Variants in DPP10 observed in about 807,000 individuals in gnomAD.
DPP10 encodes inactive dipeptidyl peptidase 10.
DPP10 carries 33 observed loss-of-function variants against 120.9 expected under a neutral mutation model. That is an observed-to-expected ratio of 0.27 (90% CI 0.21 to 0.37). The LOEUF (loss-of-function observed/expected upper bound fraction) is 0.37, where lower values mean the gene tolerates loss of function less well. Ranked by LOEUF, DPP10 falls within the 10% of genes least tolerant of loss-of-function variation. DPP10 has a pLI of 1.00. For missense variants in DPP10, 816 were observed against 942.8 expected, an observed-to-expected ratio of 0.87 and a Z score of 1.76; for synonymous variants, 337 against 326.1, an observed-to-expected ratio of 1.03 and a Z score of -0.36.
chr2:115,795,007 G>A (rs147565841), intron 19 of DPP10, among the ~76,000 whole-genome samples: 22 of 152,108 alleles, frequency 1.4e-4, no homozygotes, highest in Middle Eastern at 6.8e-3. Flanking sequence ...GTCTATCTCC[G>A]CAATGCCTAA....
intron 1 of DPP10, among the ~76,000 whole-genome samples, chr2:115,118,174 A>G (rs1417652203): frequency 6.6e-6 from 1 of 152,146 alleles, no homozygotes; most frequent in African/African-American, 2.4e-5. Flanking sequence ...TACCTACTAT[A>G]GCCAATCAAT....
chr2:114,548,537 C>T (rs1350939999), intron 1 of DPP10, among the ~76,000 whole-genome samples: 1 of 152,186 alleles, frequency 6.6e-6, no homozygotes, highest in Non-Finnish European at 1.5e-5. Context: ...TATCTAGAAA[C>T]TGCTCTGATA....
rs374443588 is a variant in DPP10, at chr2:115,739,830, C to T, written c.789C>T (p.Thr263=). 3.1e-6 allele frequency: 5 copies of T among 1,613,362 alleles called. No homozygotes were observed. The African/African-American group carries it at 6.7e-5, about 22-fold the overall frequency. ...TGATAAATGACTCTTTGGTACCCACCATGGTTATCCCTCGGTTTACTGGAG... is the reference window on the plus strand; with the variant it reads ...TGATAAATGACTCTTTGGTACCCACTATGGTTATCCCTCGGTTTACTGGAG... ...FLMINDSLVP[T]MVIPRFTGAL... The change falls in exon 9 of 26, where the codon ACC becomes ACT. Residue 263 remains threonine (T), a synonymous_variant. Transcript: ENST00000410059.
intron 1 of DPP10, among the ~76,000 whole-genome samples, chr2:115,157,861 A>G (rs531697416): frequency 6.6e-6 from 1 of 152,326 alleles, no homozygotes; most frequent in South Asian, 2.1e-4. Flanking sequence ...AGGACTGGCT[A>G]ATGCTAGGGA....
chr2:114,950,592 A>T (rs776898021), intron 1 of DPP10, among the ~76,000 whole-genome samples: 1 of 151,422 alleles, frequency 6.6e-6, no homozygotes, highest in Non-Finnish European at 1.5e-5. Context: ...CAACATCTTG[A>T]ATACCTTTTA....
intron 1 of DPP10, among the ~76,000 whole-genome samples, chr2:114,874,726 T>C (rs1304876936): frequency 1.3e-5 from 2 of 152,132 alleles, no homozygotes; most frequent in Non-Finnish European, 2.9e-5. Context: ...TTGTCTTCCA[T>C]GAAACCAGTC....
At chr2:115,342,200 T>C (rs1164629535) in intron 2 of DPP10, 2 of 448,988 alleles carry the variant, frequency 4.5e-6, no homozygotes, top group African/African-American at 4.0e-5. Context: ...TGTGTGTGTG[T>C]GTGTAATTTG....
intron 3 of DPP10, among the ~76,000 whole-genome samples, chr2:115,349,960 G>A (rs6760151): frequency 0.69 from 105,399 of 151,880 alleles, 36,920 homozygotes; most frequent in Admixed American, 0.76. Context: ...CGTGACCAAA[G>A]TGTTATTTTT....
At chr2:115,527,156 G>C (rs1227809903) in intron 5 of DPP10, among the ~76,000 whole-genome samples, 1 of 152,038 alleles carries the variant, frequency 6.6e-6, no homozygotes, top group Non-Finnish European at 1.5e-5. Flanking sequence ...ATGAAGACTG[G>C]AACTGGCAGT....
At chr2:115,634,361 G>A (rs2086146524) in intron 5 of DPP10, among the ~76,000 whole-genome samples, 1 of 152,154 alleles carries the variant, frequency 6.6e-6, no homozygotes, top group Non-Finnish European at 1.5e-5. Flanking sequence ...GATCACAGAA[G>A]CTGCTGACCT....
At chr2:114,883,474 G>T (rs775240190) in intron 1 of DPP10, among the ~76,000 whole-genome samples, 18 of 152,174 alleles carry the variant, frequency 1.2e-4, no homozygotes, top group Non-Finnish European at 1.2e-4. Context: ...TTCTCATTGA[G>T]CTAGGAATGC....
intron 1 of DPP10, among the ~76,000 whole-genome samples, chr2:114,494,115 A>AC (rs546093476): frequency 7.0e-6 from 1 of 142,542 alleles, no homozygotes; most frequent in Non-Finnish European, 1.6e-5. Context: ...AAAAAAAAAA[A>AC]AAAAAACCCA....
chr2:115,462,713 G>C lies in DPP10; in HGVS notation c.272-36797G>C, dbSNP rs150490392. Among the ~76,000 whole-genome samples, 188 of 152,144 alleles carry C rather than the reference G, an allele frequency of 1.2e-3. 7 individuals are homozygous for C. The East Asian group carries it at 0.034, about 27-fold the overall frequency. On this transcript the variant is annotated intron_variant, in intron 3 of 25. Coordinates refer to ENST00000410059, the MANE Select transcript of DPP10 (RefSeq NM_020868.6). ...TGCAGTTAGTGATTATTTTCCCTTT[G>C]CTCTGATGTTTTTTGTTTTTGTTCC... is the stretch of plus-strand genomic sequence containing the variant.
At chr2:114,755,406 C>T (rs552339794) in intron 1 of DPP10, among the ~76,000 whole-genome samples, 3 of 152,184 alleles carry the variant, frequency 2.0e-5, no homozygotes, top group East Asian at 3.9e-4. Context: ...TGATCCTCCC[C>T]GCTTCACCCT....
chr2:115,610,281 C>A (rs866138268), intron 5 of DPP10, among the ~76,000 whole-genome samples: 25 of 152,210 alleles, frequency 1.6e-4, no homozygotes, highest in Middle Eastern at 3.4e-3. Context: ...TGCATTTCCC[C>A]AGAGTAAATG....
chr2:115,430,551 A>G (rs1024876802), intron 3 of DPP10, among the ~76,000 whole-genome samples: 1 of 152,130 alleles, frequency 6.6e-6, no homozygotes, highest in African/African-American at 2.4e-5. Flanking sequence ...GAATTCAGCT[A>G]TGTACCAGAA....
chr2:115,269,964 G>T (rs1394883385), intron 1 of DPP10, among the ~76,000 whole-genome samples: 1 of 151,962 alleles, frequency 6.6e-6, no homozygotes, highest in Non-Finnish European at 1.5e-5. Context: ...AGTTCCAGGG[G>T]ATTTATTTGG....
intron 1 of DPP10, among the ~76,000 whole-genome samples, chr2:115,298,688 A>G (rs1269241885): frequency 6.6e-6 from 1 of 152,054 alleles, no homozygotes; most frequent in Non-Finnish European, 1.5e-5. Flanking sequence ...TAGTAGAGCC[A>G]TCTGGAGAGC....
At chr2:115,699,696 C>T (rs577549893) in intron 7 of DPP10, among the ~76,000 whole-genome samples, 2 of 152,334 alleles carry the variant, frequency 1.3e-5, no homozygotes, top group South Asian at 4.1e-4. Context: ...TATCTGCCAG[C>T]ATTATCCTGA....
Sources: gnomAD v4.1 joint callset for allele counts (sites outside exome capture counted in the v4.1 genomes callset) on GRCh38, gnomAD v4.1.1 for gene constraint, MANE v1.5 for transcripts, NCBI Gene and HGNC (gene_info 2026-07-23, HGNC 2026-07-21) for gene names.